The following VRK2 variants were observed in gnomAD, a reference collection of about 807,000 sequenced individuals.
VRK2 encodes the protein serine/threonine-protein kinase VRK2.
VRK2 carries 60 observed loss-of-function variants against 57.6 expected under a neutral mutation model. That is an observed-to-expected ratio of 1.04 (90% CI 0.85 to 1.29). The LOEUF is 1.29. Among genes scored for constraint, VRK2 ranks in the 50% most tolerant of loss-of-function variants. VRK2 has a pLI of 0.00. For missense variants in VRK2, 705 were observed against 588.1 expected, an observed-to-expected ratio of 1.20 and a Z score of -2.06; for synonymous variants, 231 against 199.2, an observed-to-expected ratio of 1.16 and a Z score of -1.35.
At chr2:57,961,712 T>C (rs1291800542) in intron 1 of VRK2, among the ~76,000 whole-genome samples, 1 of 149,222 alleles carries the variant, frequency 6.7e-6, no homozygotes, top group Non-Finnish European at 1.5e-5. Context: ...AAGGATAGCT[T>C]TATATCTACT....
chr2:57,919,888 C>CT (rs1157744062), intron 1 of VRK2, among the ~76,000 whole-genome samples: 2 of 151,974 alleles, frequency 1.3e-5, no homozygotes, highest in African/African-American at 4.8e-5. Flanking sequence ...GCCATTATCT[C>CT]CATGGGTTTC....
chr2:58,137,165 T>TCATATATATATCATATATGATA (rs1553422335), intron 10 of VRK2, among the ~76,000 whole-genome samples: 7 of 4,900 alleles, frequency 1.4e-3, no homozygotes, highest in Non-Finnish European at 5.5e-3. Flanking sequence ...TTTATATATA[T>TCATATATATATCATATATGATA]CATATATCAT....
intron 7 of VRK2, among the ~76,000 whole-genome samples, chr2:58,110,519 G>C (rs1231531389): frequency 1.3e-5 from 2 of 152,160 alleles, no homozygotes; most frequent in African/African-American, 4.8e-5. Flanking sequence ...ATGCTACTGT[G>C]TTTTGATACA....
intron 1 of VRK2, among the ~76,000 whole-genome samples, chr2:57,947,619 A>G (rs1671301653): frequency 6.6e-6 from 1 of 152,204 alleles, no homozygotes; most frequent in South Asian, 2.1e-4. Flanking sequence ...CATATAAATC[A>G]TTTAGTAACT....
At chr2:58,139,951 C>T (rs566380954) in intron 11 of VRK2, 119 bp downstream of exon 11, 394 of 1,102,284 alleles carry the variant, frequency 3.6e-4, no homozygotes, top group Middle Eastern at 9.4e-4. Context: ...TATTTAACTC[C>T]CATTTTGCCT....
At chr2:58,109,804 G>A (rs1034169906) in intron 7 of VRK2, among the ~76,000 whole-genome samples, 1 of 152,052 alleles carries the variant, frequency 6.6e-6, no homozygotes, top group Non-Finnish European at 1.5e-5. Flanking sequence ...ACATATAAAG[G>A]CCATTCTCTT....
At position 58,137,090 on chromosome 2, in the gene VRK2, G is replaced by A. The variant is rs867271662; in HGVS notation, c.856+1891G>A. The stretch of plus-strand genomic sequence containing the variant: ...TATATCATATATAACATATATATGT[G>A]TATATATCATATATATAACATATAT... On this transcript the variant is annotated intron_variant, in intron 10 of 12. Coordinates refer to ENST00000340157, the MANE Select transcript of VRK2 (RefSeq NM_006296.7). Among the ~76,000 whole-genome samples, 274 of 120,118 alleles carry A rather than the reference G, an allele frequency of 2.3e-3. 2 individuals are homozygous for A. Among genetic ancestry groups the A allele is most frequent in the African/African-American group, 8.4e-3 (252 of 30,156 alleles). 78.8% of individuals were successfully genotyped at this position (120,118 alleles called of 152,430 possible). A position where few individuals can be genotyped will look rare whatever the true frequency, so the allele number is the denominator to read the frequency against.
chr2:58,079,765 A>T (rs1376260514), intron 2 of VRK2, among the ~76,000 whole-genome samples: 1 of 151,948 alleles, frequency 6.6e-6, no homozygotes, highest in African/African-American at 2.4e-5. Flanking sequence ...GGAATCAGCC[A>T]TTTCTCCAAG....
intron 1 of VRK2, among the ~76,000 whole-genome samples, chr2:57,940,931 C>G (rs1187017841): frequency 6.6e-6 from 1 of 151,418 alleles, no homozygotes. Flanking sequence ...TGAAAGTCAT[C>G]AATAACATTT....
chr2:58,056,768 G>C (rs1039414265), intron 2 of VRK2, among the ~76,000 whole-genome samples: 6 of 152,130 alleles, frequency 3.9e-5, no homozygotes, highest in Non-Finnish European at 8.8e-5. Flanking sequence ...TATTGTACTT[G>C]GTAATAGTGT....
chr2:58,128,803 A>C (rs566049958), intron 8 of VRK2, among the ~76,000 whole-genome samples: 1 of 152,226 alleles, frequency 6.6e-6, no homozygotes, highest in Non-Finnish European at 1.5e-5. Flanking sequence ...TGTTTGAAAG[A>C]TGAGATGAAA....
At chr2:58,088,751 G>C (rs1042585612) in intron 6 of VRK2, among the ~76,000 whole-genome samples, 22 of 152,088 alleles carry the variant, frequency 1.4e-4, no homozygotes, top group African/African-American at 5.3e-4. Context: ...CCTTTCTTTT[G>C]TCAGTTATAA....
At chr2:58,083,965 G>A (rs1384534850) in intron 2 of VRK2, 124 bp from the exon 3 acceptor site, 2 of 983,300 alleles carry the variant, frequency 2.0e-6, no homozygotes, top group African/African-American at 3.3e-5. Flanking sequence ...TACCATAAAA[G>A]GTTGTTGGGA....
intron 1 of VRK2, among the ~76,000 whole-genome samples, chr2:58,023,207 C>T (rs1439208583): frequency 2.6e-5 from 4 of 152,166 alleles, no homozygotes; most frequent in Non-Finnish European, 5.9e-5. Context: ...ACTTTAGGCA[C>T]GTCAAATAAG....
intron 1 of VRK2, among the ~76,000 whole-genome samples, chr2:57,948,996 A>G (rs1177648983): frequency 6.8e-6 from 1 of 147,618 alleles, no homozygotes; most frequent in Non-Finnish European, 1.5e-5. Context: ...TTCATTGATG[A>G]CCCTATTGAG....
chr2:58,145,583 G>C (rs1188353287), intron 11 of VRK2, among the ~76,000 whole-genome samples: 1 of 151,930 alleles, frequency 6.6e-6, no homozygotes, highest in Non-Finnish European at 1.5e-5. Context: ...GTTATCTGTA[G>C]AGATAATTTC....
chr2:57,984,607 G>A (rs191087799), intron 1 of VRK2, among the ~76,000 whole-genome samples: 16 of 152,118 alleles, frequency 1.1e-4, no homozygotes, highest in Admixed American at 3.3e-4. Context: ...ACATAATAAA[G>A]ATGCTTAACT....
At chr2:57,933,045 G>T (rs1670782195) in intron 1 of VRK2, among the ~76,000 whole-genome samples, 1 of 151,756 alleles carries the variant, frequency 6.6e-6, no homozygotes, top group Non-Finnish European at 1.5e-5. Context: ...TCCTTGATAT[G>T]GTTTCAGTCT....
At chr2:58,022,630 C>G (rs1000651627) in intron 1 of VRK2, among the ~76,000 whole-genome samples, 1 of 152,244 alleles carries the variant, frequency 6.6e-6, no homozygotes. Context: ...AACCCCAGCA[C>G]TTTGGGAGGC....
Sources: gnomAD v4.1 joint callset for allele counts (sites outside exome capture counted in the v4.1 genomes callset) on GRCh38, gnomAD v4.1.1 for gene constraint, MANE v1.5 for transcripts, NCBI Gene and HGNC (gene_info 2026-07-23, HGNC 2026-07-21) for gene names.